ZNF569: variants seen among roughly 807,000 people sequenced by gnomAD.
ZNF569 encodes the protein DNA-binding protein.
ZNF569 carries 38 observed loss-of-function variants against 56.3 expected under a neutral mutation model. The ratio of observed to expected loss-of-function variants is 0.68; its 90% CI spans 0.52 to 0.88. ZNF569 has a LOEUF of 0.88. Ranked by LOEUF, ZNF569 falls within the 40% of genes least tolerant of loss-of-function variation. The pLI, the probability that ZNF569 is intolerant of heterozygous loss-of-function variation, is 0.00. For missense variants in ZNF569, 666 were observed against 809.2 expected (o/e 0.82, Z 2.15); for synonymous variants, 241 against 262.9 (o/e 0.92, Z 0.81).
Position 37,426,315 on chromosome 19 carries a change from G to A in ZNF569, c.79C>T (p.Pro27Ser). Residue 27 changes from proline to serine, a missense_variant, in exon 4 of 6, where the codon CCT becomes TCT. Physicochemically the swap from Pro to Ser is moderately conservative, Grantham distance 74. Coordinates refer to ENST00000316950, the MANE Select transcript of ZNF569 (RefSeq NM_152484.3). The part of the protein sequence containing the change: ...FTQEEWKRLD[P>S]AQRKLYRNVM... ...TTCCGGTACAGTTTTCTCTGAGCAG[G>A]ATCCAATCTCTTCCACTCCTCCTGA... 6.2e-7 allele frequency: 1 copy of A among 1,613,716 alleles called. No individual in the cohort carries two copies. Among genetic ancestry groups the A allele is most frequent in the Non-Finnish European group, 8.5e-7 (1 of 1,179,842 alleles).
At position 37,425,952 on chromosome 19, in the gene ZNF569, T is replaced by C. The variant is rs753599670; in HGVS notation, c.154A>G (p.Thr52Ala). The C allele has an allele frequency of 1.9e-6, 3 of 1,613,818 alleles. No individual in the cohort carries two copies. Among genetic ancestry groups the C allele is most frequent in the African/African-American group, 2.7e-5 (2 of 74,888 alleles). ...NNLITVGYPF[T>A]KPDVIFKLEQ... Reference sequence around the variant, plus strand: ...AATTTGAAAATCACATCAGGTTTGGTGAACGGATAGCCTGTCAAAGGGAAG... The same window carrying C: ...AATTTGAAAATCACATCAGGTTTGGCGAACGGATAGCCTGTCAAAGGGAAG... The change falls in exon 5 of 6, where the codon ACC becomes GCC. Residue 52 changes from threonine to alanine, a missense_variant. Coordinates refer to ENST00000316950, the MANE Select transcript of ZNF569 (RefSeq NM_152484.3).
intron 2 of ZNF569, among the ~76,000 whole-genome samples, chr19:37,448,779 G>T (rs2041543520): frequency 6.6e-6 from 1 of 151,672 alleles, no homozygotes; most frequent in African/African-American, 2.4e-5. Flanking sequence ...TAGCCAGGAT[G>T]GTCTCGATCT....
chr19:37,434,989 G>A (rs1289136268), intron 3 of ZNF569, among the ~76,000 whole-genome samples: 2 of 152,158 alleles, frequency 1.3e-5, no homozygotes, highest in Non-Finnish European at 2.9e-5. Context: ...CTGTTTGGTG[G>A]TCTCTTCACA....
At chr19:37,442,143 CAT>C (rs2041417548) in intron 3 of ZNF569, among the ~76,000 whole-genome samples, 1 of 152,068 alleles carries the variant, frequency 6.6e-6, no homozygotes, top group Non-Finnish European at 1.5e-5. Flanking sequence ...GAAATGAAAA[CAT>C]AAGCAAGTGA....
In ZNF569 at chr19:37,444,983, G is replaced by C; in HGVS notation, c.-43-19C>G. 1.3e-6 allele frequency: 2 copies of C among 1,589,928 alleles called. No individual in the cohort carries two copies. Among genetic ancestry groups the C allele is most frequent in the South Asian group, 2.3e-5 (2 of 86,696 alleles). On this transcript the variant is annotated intron_variant, in intron 2 of 5. Transcript: ENST00000316950. ...AGTAGAGCTGGGGAAGAGAATAAAA[G>C]TCATTAAAATAGGCCTGTCTTTAGT...
intron 2 of ZNF569, among the ~76,000 whole-genome samples, chr19:37,458,421 G>T (rs554855137): frequency 6.6e-6 from 1 of 152,110 alleles, no homozygotes; most frequent in African/African-American, 2.4e-5. Context: ...TGTATATTAC[G>T]TTTCCATGCC....
chr19:37,459,917 C>T (rs1418126580), intron 2 of ZNF569, among the ~76,000 whole-genome samples: 1 of 152,028 alleles, frequency 6.6e-6, no homozygotes, highest in Non-Finnish European at 1.5e-5. Flanking sequence ...ACATTGAAAA[C>T]TCTAGGGTGA....
intron 5 of ZNF569, among the ~76,000 whole-genome samples, chr19:37,422,146 T>C (rs1474280635): frequency 6.6e-6 from 1 of 152,228 alleles, no homozygotes; most frequent in Non-Finnish European, 1.5e-5. Context: ...TTTAACATGC[T>C]TTCTTCACTA....
intron 5 of ZNF569, among the ~76,000 whole-genome samples, chr19:37,415,953 G>C (rs996802431): frequency 6.6e-6 from 1 of 150,920 alleles, no homozygotes; most frequent in Non-Finnish European, 1.5e-5. Context: ...ATTAAAAGGC[G>C]TGAGTGCAGT....
At position 37,460,297 on chromosome 19, in the gene ZNF569, T is replaced by C. The variant is rs537895298; in HGVS notation, c.-44+5016A>G. Among the ~76,000 whole-genome samples, 10 of 152,112 alleles carry C rather than the reference T, an allele frequency of 6.6e-5. No homozygotes were observed. The East Asian group carries it at 1.9e-3, about 30-fold the overall frequency. ...AACTGGGATTACAGGCATGCACCAC[T>C]ATGCCTGGCTAATTTTTGTATTTTT... is the stretch of plus-strand genomic sequence containing the variant. On this transcript the variant is annotated intron_variant, in intron 2 of 5. Coordinates refer to ENST00000316950, the MANE Select transcript of ZNF569 (RefSeq NM_152484.3).
intron 3 of ZNF569, 65 bp downstream of exon 3, chr19:37,444,842 A>T: frequency 1.6e-6 from 2 of 1,272,756 alleles, no homozygotes; most frequent in Non-Finnish European, 2.3e-6. Flanking sequence ...TGTATGAATT[A>T]CTGCAATCCC....
At chr19:37,421,745 T>TC (rs2041040158) in intron 5 of ZNF569, among the ~76,000 whole-genome samples, 2 of 134,192 alleles carry the variant, frequency 1.5e-5, no homozygotes, top group African/African-American at 5.5e-5. Context: ...TAGTGGCACT[T>TC]TTTTTTTTTT....
intron 3 of ZNF569, among the ~76,000 whole-genome samples, chr19:37,430,584 G>GA (rs58184654): frequency 1.5e-4 from 22 of 148,860 alleles, no homozygotes; most frequent in African/African-American, 3.4e-4. Flanking sequence ...AGTTCTGAAA[G>GA]AAAAAAAAAA....
rs2040839514 is a variant in ZNF569, at chr19:37,411,451, C to T, written c.*1146G>A. 1 of 152,108 alleles carries T rather than the reference C, an allele frequency of 6.6e-6. No individual in the cohort carries two copies. The highest frequency in any genetic ancestry group is 2.1e-4 in the South Asian group (1 of 4,832). The allele number at this position is 152,108 out of a possible 1,614,324, so 9.4% of individuals were successfully genotyped here. The stretch of plus-strand genomic sequence containing the variant: ...TGATCACACTTATTCATCTATTCCA[C>T]AATTGATAAAAATTTGTTATATCCA... On this transcript the variant is annotated 3_prime_UTR_variant, in exon 6 of 6. Transcript: ENST00000316950.
intron 2 of ZNF569, among the ~76,000 whole-genome samples, chr19:37,446,601 T>C (rs1020165065): frequency 3.4e-5 from 5 of 146,768 alleles, no homozygotes; most frequent in East Asian, 2.0e-4. Flanking sequence ...TCTCACCTTA[T>C]ACAAAAATCA....
intron 3 of ZNF569, 98 bp from the exon 4 acceptor site, chr19:37,426,476 T>G: frequency 7.6e-7 from 1 of 1,310,630 alleles, no homozygotes. Context: ...CAGAGGTTAT[T>G]AAAAAAGCCC....
chr19:37,459,141 T>C (rs762411658), intron 2 of ZNF569, among the ~76,000 whole-genome samples: 23 of 152,166 alleles, frequency 1.5e-4, no homozygotes, highest in Admixed American at 3.3e-4. Flanking sequence ...AGATGAAATA[T>C]TGTAAGTAAT....
intron 2 of ZNF569, among the ~76,000 whole-genome samples, chr19:37,448,628 G>A (rs11083423): frequency 0.64 from 92,630 of 144,704 alleles, 31,220 homozygotes; most frequent in African/African-American, 0.87. Context: ...CAGTGTTGTG[G>A]TCTCAGCTCA....
intron 3 of ZNF569, among the ~76,000 whole-genome samples, chr19:37,437,270 A>G (rs752621770): frequency 7.9e-5 from 12 of 152,238 alleles, no homozygotes; most frequent in Non-Finnish European, 1.6e-4. Context: ...AGCATTTGAT[A>G]AAATTCAACA....
Sources: allele counts gnomAD v4.1 joint callset (sites outside exome capture counted in the v4.1 genomes callset), GRCh38; gene constraint gnomAD v4.1.1; transcripts MANE v1.5; gene names NCBI Gene and HGNC (gene_info 2026-07-23, HGNC 2026-07-21).